ANKRD11: variants seen among roughly 807,000 people sequenced by gnomAD.
ANKRD11 encodes ankyrin repeat domain 11, also known as ankyrin repeat domain-containing protein 11.
A neutral mutation model predicts 195.7 loss-of-function variants in ANKRD11; 17 were observed. The observed-to-expected ratio is 0.09, with a 90% CI of 0.06 to 0.13. The LOEUF (loss-of-function observed/expected upper bound fraction) is 0.13, where lower values mean the gene tolerates loss of function less well. Ranked by LOEUF, ANKRD11 falls within the 10% of genes least tolerant of loss-of-function variation. The pLI is 1.00. For missense variants in ANKRD11, 3,735 were observed against 3,566.1 expected, an observed-to-expected ratio of 1.05 and a Z score of -1.21; for synonymous variants, 1,953 against 1,528.1, an observed-to-expected ratio of 1.28 and a Z score of -6.49.
At chr16:89,313,599 T>C in intron 3 of ANKRD11, 1 of 1,288,852 alleles carries the variant, frequency 7.8e-7, no homozygotes, top group Non-Finnish European at 1.0e-6. Context: ...TCTAAAAATA[T>C]ATTGTTTTTG....
intron 1 of ANKRD11, among the ~76,000 whole-genome samples, chr16:89,486,370 A>T (rs989003122): frequency 6.6e-6 from 1 of 151,366 alleles, no homozygotes; most frequent in African/African-American, 2.4e-5. Flanking sequence ...CAGCTCAGGG[A>T]GTCGAGACTG....
At chr16:89,336,069 G>A (rs2038337955) in intron 2 of ANKRD11, among the ~76,000 whole-genome samples, 1 of 152,240 alleles carries the variant, frequency 6.6e-6, no homozygotes, top group Non-Finnish European at 1.5e-5. Flanking sequence ...CCTGCCAGTT[G>A]GTTTGAAAAA....
At chr16:89,316,063 G>C (rs1445892819) in intron 3 of ANKRD11, among the ~76,000 whole-genome samples, 2 of 152,022 alleles carry the variant, frequency 1.3e-5, no homozygotes, top group African/African-American at 4.8e-5. Flanking sequence ...TGCCACACTG[G>C]CCAAGAAGTT....
intron 2 of ANKRD11, among the ~76,000 whole-genome samples, chr16:89,317,729 G>A (rs918610463): frequency 3.3e-5 from 5 of 152,208 alleles, no homozygotes; most frequent in African/African-American, 1.2e-4. Flanking sequence ...CAGGAAATCC[G>A]AGGACACATA....
intron 2 of ANKRD11, among the ~76,000 whole-genome samples, chr16:89,362,572 A>G (rs567328591): frequency 6.6e-6 from 1 of 152,354 alleles, no homozygotes; most frequent in African/African-American, 2.4e-5. Flanking sequence ...TCCTCTTCAA[A>G]GACTTTCCTC....
rs763867641 is a variant in ANKRD11, at chr16:89,281,616, C to A, written c.4926G>T (p.Pro1642=). Residue 1642 remains proline, a synonymous_variant, in exon 9 of 13, where the codon CCG becomes CCT. Transcript: ENST00000301030. This position sits in a 1 kb window ranked among gnomAD's most constrained non-coding sequence, Gnocchi z 5.5. ...KKGLDIPAKK[P]PGLDPPFKDK... is the part of the protein sequence containing the mutation. ...CTTTAAATGGAGGGTCCAGCCCCGG[C>A]GGTTTCTTAGCAGGAATGTCCAGAC... The A allele has an allele frequency of 1.2e-6, 2 of 1,614,198 alleles. No homozygotes were observed. The highest frequency in any genetic ancestry group is 4.5e-5 in the East Asian group (2 of 44,880).
intron 2 of ANKRD11, among the ~76,000 whole-genome samples, chr16:89,410,363 T>A (rs533974819): frequency 3.9e-5 from 6 of 152,280 alleles, no homozygotes; most frequent in Admixed American, 3.3e-4. Context: ...AGAATAAATT[T>A]TAAACAAAGG....
chr16:89,308,899 G>A (rs1436711681), intron 3 of ANKRD11, among the ~76,000 whole-genome samples: 1 of 152,172 alleles, frequency 6.6e-6, no homozygotes. Flanking sequence ...CAGGAGGTGC[G>A]CGCAGCCTCG....
At position 89,290,621 on chromosome 16, in the gene ANKRD11, C is replaced by G. The variant is rs1210410150; in HGVS notation, c.601+4G>C. The G allele has an allele frequency of 1.7e-5, 27 of 1,611,864 alleles. No homozygotes were observed. Among genetic ancestry groups the G allele is most frequent in the Non-Finnish European group, 2.0e-5 (24 of 1,179,958 alleles). On this transcript the variant is annotated splice_donor_region_variant and intron_variant, in intron 6 of 12. Transcript: ENST00000301030. ...CTGGCCCTTGCCAGGCACAGGGTGC[C>G]CACCTGCGAAGTCCTTGACGTTGAC...
chr16:89,476,435 C>T (rs1474194914), intron 1 of ANKRD11, among the ~76,000 whole-genome samples: 1 of 152,158 alleles, frequency 6.6e-6, no homozygotes, highest in Non-Finnish European at 1.5e-5. Context: ...TGCTTTGTAA[C>T]GATATCATTT....
intron 1 of ANKRD11, among the ~76,000 whole-genome samples, chr16:89,449,738 A>G (rs967072364): frequency 6.6e-6 from 1 of 152,190 alleles, no homozygotes; most frequent in Non-Finnish European, 1.5e-5. Flanking sequence ...GGTTGCAGTG[A>G]GCCGAGATTG....
At chr16:89,395,038 C>T (rs545661795) in intron 2 of ANKRD11, among the ~76,000 whole-genome samples, 98 of 152,324 alleles carry the variant, frequency 6.4e-4, no homozygotes, top group African/African-American at 2.3e-3. Flanking sequence ...TCCAGATCAT[C>T]TTAAAAGTTC....
intron 11 of ANKRD11, chr16:89,271,112 C>T (rs915358807): frequency 6.2e-5 from 39 of 624,096 alleles, no homozygotes; most frequent in South Asian, 4.9e-4. Context: ...CTAAAATGCG[C>T]GTGGAGGCAG....
chr16:89,271,074 A>T, intron 11 of ANKRD11, 165 bp from the exon 12 acceptor site: 1 of 697,120 alleles, frequency 1.4e-6, no homozygotes, highest in South Asian at 1.5e-5. Context: ...TGGCAGGCGC[A>T]CCCTGCCCAT....
intron 4 of ANKRD11, among the ~76,000 whole-genome samples, chr16:89,293,144 G>A (rs556306442): frequency 4.6e-5 from 7 of 152,246 alleles, no homozygotes; most frequent in African/African-American, 1.4e-4. Flanking sequence ...ACCTAGCCAC[G>A]CACATTCAGA....
chr16:89,286,530 C>A, intron 7 of ANKRD11: 1 of 583,812 alleles, frequency 1.7e-6, no homozygotes, highest in East Asian at 6.3e-5. Context: ...CGAAGGCTCT[C>A]CCCTCCCGCC....
chr16:89,291,613 C>T lies in ANKRD11; in HGVS notation c.227-430G>A. The stretch of plus-strand genomic sequence containing the variant: ...TTCCCCGTCCCTCCTCCAAACAGTG[C>T]AGATATAAAATGGCAGACACAGTTT... On this transcript the variant is annotated intron_variant, in intron 4 of 12. Coordinates refer to ENST00000301030, the MANE Select transcript of ANKRD11 (RefSeq NM_013275.6). This position sits in a 1 kb window ranked among gnomAD's most constrained non-coding sequence, Gnocchi z 5.3. The T allele has an allele frequency of 1.7e-6, 2 of 1,158,912 alleles. No individual in the cohort carries two copies. Among genetic ancestry groups the T allele is most frequent in the Non-Finnish European group, 2.3e-6 (2 of 868,190 alleles). The allele number at this position is 1,158,912 out of a possible 1,614,324, so 71.8% of individuals were successfully genotyped here. A position where few individuals can be genotyped will look rare whatever the true frequency, so the allele number is the denominator to read the frequency against.
At chr16:89,405,402 T>C (rs1054574636) in intron 2 of ANKRD11, among the ~76,000 whole-genome samples, 1 of 151,760 alleles carries the variant, frequency 6.6e-6, no homozygotes, top group African/African-American at 2.4e-5. Context: ...GAGCTCACCG[T>C]AGCCTCGACC....
chr16:89,428,359 A>T (rs1235095015), intron 1 of ANKRD11, among the ~76,000 whole-genome samples: 7 of 151,918 alleles, frequency 4.6e-5, no homozygotes, highest in Non-Finnish European at 8.8e-5. Context: ...CCCCGTCTCT[A>T]CTAAAAATAC....
Sources: allele counts gnomAD v4.1 joint callset (sites outside exome capture counted in the v4.1 genomes callset), GRCh38; gene constraint gnomAD v4.1.1; non-coding constraint Gnocchi (gnomAD v3.1); transcripts MANE v1.5; gene names NCBI Gene and HGNC (gene_info 2026-07-23, HGNC 2026-07-21).